TYMP: variants seen among roughly 807,000 people sequenced by gnomAD.
TYMP encodes the protein thymidine phosphorylase.
A neutral mutation model predicts 42.3 loss-of-function variants in TYMP; 46 were observed. The observed-to-expected ratio is 1.09, with a 90% CI of 0.86 to 1.39. TYMP has a LOEUF of 1.39. Among genes scored for constraint, TYMP ranks in the 40% most tolerant of loss-of-function variants. TYMP has a pLI of 0.00. For missense variants in TYMP, 837 were observed against 677.6 expected (o/e 1.24, Z -2.61); for synonymous variants, 363 against 308.0 (o/e 1.18, Z -1.87).
Position 50,528,590 on chromosome 22 carries a change from A to T in TYMP, c.438T>A (p.Arg146=). Residue 146 remains arginine (R), a synonymous_variant, in exon 4 of 10, where the codon CGT becomes CGA. Transcript: ENST00000252029. ...CGCKVPMISG[R]GLGHTGGTLD... ...AGGTGCCTCCTGTGTGCCCCAGACC[A>T]CGTCCGCTGATCATTGGCACCTGGT... is the stretch of plus-strand genomic sequence containing the variant. 6.2e-7 allele frequency: 1 copy of T among 1,613,748 alleles called. No homozygotes were observed. Among genetic ancestry groups the T allele is most frequent in the Non-Finnish European group, 8.5e-7 (1 of 1,179,948 alleles).
Position 50,527,667 on chromosome 22 carries a change from C to G in TYMP, c.567G>C (p.Glu189Asp). The G allele has an allele frequency of 6.2e-7, 1 of 1,613,976 alleles. No homozygotes were observed. Among genetic ancestry groups the G allele is most frequent in the Non-Finnish European group, 8.5e-7 (1 of 1,180,032 alleles). Reference sequence around the variant, plus strand: ...GGATTCCGTCCGCAGGAACCAGCTGCTCACTCTGACCCACGATACAGCAGC... The same window carrying G: ...GGATTCCGTCCGCAGGAACCAGCTGGTCACTCTGACCCACGATACAGCAGC... The part of the protein sequence containing the change: ...QAGCCIVGQS[E>D]QLVPADGILY... Residue 189 changes from glutamate (E) to aspartate (D), a missense_variant, in exon 5 of 10, where the codon GAG becomes GAC. Coordinates refer to ENST00000252029, the MANE Select transcript of TYMP (RefSeq NM_001953.5).
rs1085307802 is a variant in TYMP, at chr22:50,526,375, C to G, written c.1030G>C (p.Glu344Gln). ...LDDGSALGRF[E>Q]RMLAAQGVDP... ...ACGCCCTGCGCCGCCAGCATCCGCT[C>G]GAAGCGGCCAAGGGCCGAGCCGTCG... Residue 344 changes from glutamate (E) to glutamine (Q), a missense_variant, in exon 8 of 10, where the codon GAG becomes CAG. Physicochemically the swap from Glu to Gln is conservative, Grantham distance 29 (BLOSUM62 2). Transcript: ENST00000252029. The G allele has an allele frequency of 1.3e-6, 2 of 1,537,616 alleles. No individual in the cohort carries two copies. The highest frequency in any genetic ancestry group is 1.4e-5 in the African/African-American group (1 of 70,264).
intron 4 of TYMP, chr22:50,527,973 T>C (rs2069458596): frequency 2.0e-6 from 1 of 497,846 alleles, no homozygotes; most frequent in Non-Finnish European, 3.6e-6. Context: ...AGAGATCAAG[T>C]TTCACTATAT....
In TYMP at chr22:50,529,645, C is replaced by T; in HGVS notation, c.65G>A (p.Gly22Glu). Reference sequence around the variant, plus strand: ...CGAAGGGTCGGGAAGTCCCTGGCTCCCTTCCCCGGAGAAGTCACCAGGCGC... The same window carrying T: ...CGAAGGGTCGGGAAGTCCCTGGCTCTCTTCCCCGGAGAAGTCACCAGGCGC... ...PPAPGDFSGE[G>E]SQGLPDPSPE... Residue 22 changes from glycine (G) to glutamate (E), a missense_variant, in exon 2 of 10, where the codon GGG (glycine) becomes GAG (glutamate). Gly to Glu is a moderately conservative substitution (Grantham distance 98). Coordinates refer to ENST00000252029, the MANE Select transcript of TYMP (RefSeq NM_001953.5). 6.2e-7 allele frequency: 1 copy of T among 1,612,516 alleles called. No homozygotes were observed.
intron 6 of TYMP, 78 bp from the exon 7 acceptor site, chr22:50,526,816 G>T: frequency 6.9e-7 from 1 of 1,446,452 alleles, no homozygotes; most frequent in Non-Finnish European, 9.3e-7. Context: ...TCCAGCCCCT[G>T]CTGCACCCTG....
At position 50,527,683 on chromosome 22, in the gene TYMP, A is replaced by G; in HGVS notation, c.551T>C (p.Ile184Thr). 1 of 1,613,264 alleles carries G rather than the reference A, an allele frequency of 6.2e-7. No homozygotes were observed. Among genetic ancestry groups the G allele is most frequent in the African/African-American group, 1.3e-5 (1 of 74,830 alleles). ...AACCAGCTGCTCACTCTGACCCACG[A>G]TACAGCAGCCCGCCTGGTCCAGCAG... is the stretch of plus-strand genomic sequence containing the variant. The part of the protein sequence containing the change: ...QVLLDQAGCC[I>T]VGQSEQLVPA... The change falls in exon 5 of 10, where the codon ATC (isoleucine) becomes ACC (threonine). Residue 184 changes from isoleucine to threonine, a missense_variant. By Grantham distance (89) the Ile-to-Thr change is moderately conservative. Transcript: ENST00000252029.
At chr22:50,527,430 T>TTG in intron 5 of TYMP, 147 bp from the exon 6 acceptor site, 1 of 1,308,230 alleles carries the variant, frequency 7.6e-7, no homozygotes. Context: ...GTGGGTTGAG[T>TTG]ATCAGGCCAC....
At position 50,529,547 on chromosome 22, in the gene TYMP, T is replaced by C; in HGVS notation, c.163A>G (p.Arg55Gly). ...DGGRLSEADI[R>G]GFVAAVVNGS... ...TTCACCACAGCGGCCACGAAGCCCC[T>C]GATGTCCGCTTCGCTCAGGCGGCCT... The change falls in exon 2 of 10, where the codon AGG becomes GGG. Residue 55 changes from arginine (R) to glycine (G), a missense_variant. Transcript: ENST00000252029. The C allele has an allele frequency of 6.2e-7, 1 of 1,613,146 alleles. No homozygotes were observed. Among genetic ancestry groups the C allele is most frequent in the African/African-American group, 1.3e-5 (1 of 75,076 alleles).
chr22:50,527,768 CTTTTTTTTTTTTT>C (rs131803), intron 4 of TYMP, 51 bp from the exon 5 acceptor site: 3 of 1,226,348 alleles, frequency 2.4e-6, no homozygotes, highest in Non-Finnish European at 3.3e-6. Context: ...GACTTAGCAG[CTTTTTTTTTTTTT>C]TTTTTTTTTT....
At chr22:50,527,777 T>C (rs2069449874) in intron 4 of TYMP, 60 bp from the exon 5 acceptor site, 2 of 1,546,296 alleles carry the variant, frequency 1.3e-6, no homozygotes, top group Admixed American at 1.8e-5. Flanking sequence ...GCTTTTTTTT[T>C]TTTTTTTTTT....
rs776496098 is a variant in TYMP, at chr22:50,525,781, G to A, written c.1438C>T (p.Pro480Ser). The A allele has an allele frequency of 5.6e-6, 9 of 1,610,886 alleles. No homozygotes were observed. The highest frequency in any genetic ancestry group is 1.7e-4 in the Middle Eastern group (1 of 6,030). ...GCGGCAAAGGAGCTTTATTGCTGCG[G>A]CGGCAGAACGAGCTCTGCGAAGGGC... ...PSPFAELVLP[P>S]QQ The change falls in exon 10 of 10, where the codon CCG (proline) becomes TCG (serine). Residue 480 changes from proline to serine, a missense_variant. Coordinates refer to ENST00000252029, the MANE Select transcript of TYMP (RefSeq NM_001953.5).
intron 5 of TYMP, 29 bp from the exon 6 acceptor site, chr22:50,527,312 C>G: frequency 1.3e-6 from 2 of 1,563,118 alleles, no homozygotes; most frequent in Non-Finnish European, 1.8e-6. Flanking sequence ...AGGTTGGAGA[C>G]AATGGAGAAC....
At position 50,527,250 on chromosome 22, in the gene TYMP, A is replaced by G; in HGVS notation, c.680T>C (p.Leu227Pro). Residue 227 changes from leucine (L) to proline (P), a missense_variant, in exon 6 of 10, where the codon CTG becomes CCG. Transcript: ENST00000252029. ...SILSKKLVEG[L>P]SALVVDVKFG... ...CTTAACGTCCACCACCAGAGCGGAC[A>G]GCCCCTCCACGAGTTTCTTACTGAG... is the stretch of plus-strand genomic sequence containing the variant. 7 of 1,613,732 alleles carry G rather than the reference A, an allele frequency of 4.3e-6. No homozygotes were observed. Among genetic ancestry groups the G allele is most frequent in the Non-Finnish European group, 5.9e-6 (7 of 1,179,978 alleles).
rs778914092 is a variant in TYMP at position 50,529,649 on chromosome 22, C to G, written c.61G>C (p.Glu21Gln). 3.7e-6 allele frequency: 6 copies of G among 1,612,368 alleles called. No homozygotes were observed. In the African/African-American group the frequency reaches 8.0e-5, roughly 22 times the overall value. ...APPAPGDFSG[E>Q]GSQGLPDPSP... The stretch of plus-strand genomic sequence containing the variant: ...GGGTCGGGAAGTCCCTGGCTCCCTT[C>G]CCCGGAGAAGTCACCAGGCGCGGGT... Residue 21 changes from glutamate (E) to glutamine (Q), a missense_variant, in exon 2 of 10, where the codon GAA becomes CAA. Physicochemically the swap from Glu to Gln is conservative, Grantham distance 29 (BLOSUM62 2). Coordinates refer to ENST00000252029, the MANE Select transcript of TYMP (RefSeq NM_001953.5).
intron 9 of TYMP, 35 bp from the exon 10 acceptor site, chr22:50,525,953 C>T: frequency 2.2e-6 from 3 of 1,393,064 alleles, no homozygotes; most frequent in Non-Finnish European, 2.8e-6. Flanking sequence ...GCCGCGCGGC[C>T]GGAGCTGGGC....
chr22:50,527,253 C>T lies in TYMP; in HGVS notation c.677G>A (p.Gly226Glu), dbSNP rs771475902. 5 of 1,613,594 alleles carry T rather than the reference C, an allele frequency of 3.1e-6. No individual in the cohort carries two copies. The highest frequency in any genetic ancestry group is 1.1e-5 in the South Asian group (1 of 91,090). Residue 226 changes from glycine (G) to glutamate (E), a missense_variant, in exon 6 of 10, where the codon GGG becomes GAG. Physicochemically the swap from Gly to Glu is moderately conservative, Grantham distance 98. Transcript: ENST00000252029. Reference sequence around the variant, plus strand: ...AACGTCCACCACCAGAGCGGACAGCCCCTCCACGAGTTTCTTACTGAGAAT... The same window carrying T: ...AACGTCCACCACCAGAGCGGACAGCTCCTCCACGAGTTTCTTACTGAGAAT... Reference protein sequence around the residue: ...ASILSKKLVEGLSALVVDVKF... With the variant: ...ASILSKKLVEELSALVVDVKF...
chr22:50,526,514 G>A lies in TYMP; in HGVS notation c.929-38C>T, dbSNP rs755664501. ...ACGGGTCTTAGGCGCGGCCGGGTCGGGGCGGCCCCAGCGGGAAGCACCCCC... is the reference window on the plus strand; with the variant it reads ...ACGGGTCTTAGGCGCGGCCGGGTCGAGGCGGCCCCAGCGGGAAGCACCCCC... On this transcript the variant is annotated intron_variant, in intron 7 of 9. Transcript: ENST00000252029. The A allele has an allele frequency of 2.2e-5, 34 of 1,532,226 alleles. No homozygotes were observed. The East Asian group carries it at 6.0e-4, about 27-fold the overall frequency. The allele number at this position is 1,532,226 out of a possible 1,614,324, so 94.9% of individuals were successfully genotyped here. A position where few individuals can be genotyped will look rare whatever the true frequency, so the allele number is the denominator to read the frequency against.
intron 4 of TYMP, 33 bp from the exon 5 acceptor site, chr22:50,527,750 T>G: frequency 6.2e-7 from 1 of 1,605,024 alleles, no homozygotes; most frequent in Non-Finnish European, 8.5e-7. Flanking sequence ...CAGTGACTTA[T>G]GGTAAATGAC....
chr22:50,529,068 G>T, intron 3 of TYMP, 68 bp downstream of exon 3: 1 of 1,531,820 alleles, frequency 6.5e-7, no homozygotes, highest in Non-Finnish European at 9.0e-7. Context: ...GTTGGGAGCT[G>T]CCTGTGGATG....
Sources: gnomAD v4.1 joint callset for allele counts on GRCh38, gnomAD v4.1.1 for gene constraint, MANE v1.5 for transcripts, NCBI Gene and HGNC (gene_info 2026-07-23, HGNC 2026-07-21) for gene names.